UPK3A: variants seen among roughly 807,000 people sequenced by gnomAD.
UPK3A encodes uroplakin 3A, also known as uroplakin-3a.
In UPK3A, 32 loss-of-function variants were observed where a neutral mutation model predicts 27.6. The observed-to-expected ratio is 1.16, with a 90% confidence interval of 0.87 to 1.55. UPK3A has a LOEUF of 1.55. UPK3A is among the 40% of genes most tolerant of loss of function. The pLI, the probability that UPK3A is intolerant of heterozygous loss-of-function variation, is 0.00. For missense variants in UPK3A, 370 were observed against 367.9 expected (o/e 1.01, Z -0.05); for synonymous variants, 171 against 163.9 (o/e 1.04, Z -0.33).
At chr22:45,287,741 C>A (rs1225967379) in intron 3 of UPK3A, among the ~76,000 whole-genome samples, 1 of 152,158 alleles carries the variant, frequency 6.6e-6, no homozygotes, top group African/African-American at 2.4e-5. Context: ...CAGCTCACTG[C>A]AACCTCCGCC....
chr22:45,286,037 A>T lies in UPK3A; in HGVS notation c.149A>T (p.Asp50Val). Residue 50 changes from aspartate (D) to valine (V), a missense_variant, in exon 2 of 6, where the codon GAC becomes GTC. Asp to Val is a radical substitution (Grantham distance 152). Coordinates refer to ENST00000216211, the MANE Select transcript of UPK3A (RefSeq NM_006953.4). Reference protein sequence around the residue: ...VALEKPLCMFDSKEALTGTHE... With the variant: ...VALEKPLCMFVSKEALTGTHE... The stretch of plus-strand genomic sequence containing the variant: ...TTGGAAAAGCCTCTCTGCATGTTTG[A>T]CAGCAAAGAGGCCCTCACTGGCACC... The T allele has an allele frequency of 1.9e-6, 3 of 1,614,166 alleles. No homozygotes were observed. Among genetic ancestry groups the T allele is most frequent in the Non-Finnish European group, 2.5e-6 (3 of 1,180,026 alleles).
intron 4 of UPK3A, among the ~76,000 whole-genome samples, chr22:45,290,597 T>C (rs1268629529): frequency 4.6e-5 from 7 of 151,814 alleles, no homozygotes; most frequent in African/African-American, 1.7e-4. Context: ...GTGGAGAGTA[T>C]GTGAGGAGTG....
chr22:45,285,535 G>A (rs2084111458), intron 1 of UPK3A, among the ~76,000 whole-genome samples: 2 of 152,148 alleles, frequency 1.3e-5, no homozygotes, highest in African/African-American at 4.8e-5. Context: ...GGACCTCACT[G>A]CCTTTCCAGA....
At chr22:45,293,081 A>T (rs2084172119) in intron 4 of UPK3A, 100 bp from the exon 5 acceptor site, 1 of 1,553,842 alleles carries the variant, frequency 6.4e-7, no homozygotes. Flanking sequence ...TCATCCCTGG[A>T]TCCCCGGCAG....
At position 45,286,021 on chromosome 22, in the gene UPK3A, C is replaced by A; in HGVS notation, c.133C>A (p.Pro45Thr). The stretch of plus-strand genomic sequence containing the variant: ...ACTTACCACTGTGGCCTTGGAAAAG[C>A]CTCTCTGCATGTTTGACAGCAAAGA... ...PTLTTVALEK[P>T]LCMFDSKEAL... Residue 45 changes from proline to threonine, a missense_variant, in exon 2 of 6, where the codon CCT becomes ACT. Pro to Thr is a conservative substitution (Grantham distance 38). Coordinates refer to ENST00000216211, the MANE Select transcript of UPK3A (RefSeq NM_006953.4). The A allele has an allele frequency of 6.2e-7, 1 of 1,614,190 alleles. No homozygotes were observed. The highest frequency in any genetic ancestry group is 1.1e-5 in the South Asian group (1 of 91,086).
chr22:45,288,952 C>CT (rs1444773319), intron 3 of UPK3A, 109 bp from the exon 4 acceptor site: 1 of 1,003,644 alleles, frequency 1.0e-6, no homozygotes, highest in Non-Finnish European at 1.5e-6. Context: ...CCTGGAAGGG[C>CT]CCCCGCTGCC....
rs2084115354 is a variant in UPK3A, at chr22:45,285,996, A to AC, written c.109dup (p.Leu37ProfsTer14). ...TGACTTTCGCCACCAACAACCCCAC[A>AC]CTTACCACTGTGGCCTTGGAAAAGC... On this transcript the variant is annotated frameshift_variant, in exon 2 of 6. Transcript: ENST00000216211. LOFTEE classifies it high-confidence loss of function. 3 of 1,613,946 alleles carry AC rather than the reference A, an allele frequency of 1.9e-6. No homozygotes were observed. Among genetic ancestry groups the AC allele is most frequent in the African/African-American group, 2.7e-5 (2 of 74,868 alleles).
In UPK3A at chr22:45,293,259, C is replaced by T. The variant is rs747053086; in HGVS notation, c.650C>T (p.Ser217Phe). ...GMIVITSILG[S>F]LPFFLLVGFA... The stretch of plus-strand genomic sequence containing the variant: ...ATCGTCATCACTTCCATCCTGGGCT[C>T]CCTGCCCTTCTTTCTACTTGTGGGT... Residue 217 changes from serine (S) to phenylalanine (F), a missense_variant, in exon 5 of 6, where the codon TCC becomes TTC. Transcript: ENST00000216211. The T allele has an allele frequency of 3.7e-6, 6 of 1,614,156 alleles. No homozygotes were observed. The highest frequency in any genetic ancestry group is 4.2e-6 in the Non-Finnish European group (5 of 1,180,036).
At chr22:45,289,767 AG>A (rs1245973093) in intron 4 of UPK3A, among the ~76,000 whole-genome samples, 1 of 150,456 alleles carries the variant, frequency 6.6e-6, no homozygotes, top group Non-Finnish European at 1.5e-5. Flanking sequence ...AAAAAAAAAA[AG>A]TCGTTGAACC....
intron 1 of UPK3A, among the ~76,000 whole-genome samples, chr22:45,285,650 T>C (rs1398676906): frequency 9.4e-6 from 1 of 105,832 alleles, no homozygotes; most frequent in African/African-American, 2.8e-5. Context: ...GTGAGGAAGG[T>C]GGGACGGAGG....
intron 4 of UPK3A, among the ~76,000 whole-genome samples, chr22:45,290,870 A>C (rs1555905978): frequency 6.6e-6 from 1 of 152,166 alleles, no homozygotes; most frequent in Non-Finnish European, 1.5e-5. Flanking sequence ...GCCAGGGATT[A>C]GGTTGCATGC....
intron 2 of UPK3A, among the ~76,000 whole-genome samples, chr22:45,286,418 C>T (rs561784930): frequency 2.0e-5 from 3 of 152,156 alleles, no homozygotes; most frequent in Non-Finnish European, 2.9e-5. Context: ...AATAACCCCC[C>T]CTGGACCTCC....
At position 45,287,194 on chromosome 22, in the gene UPK3A, G is replaced by A. The variant is rs1306067887; in HGVS notation, c.231G>A (p.Val77=). The change falls in exon 3 of 6, where the codon GTG becomes GTA. Residue 77 remains valine, a synonymous_variant. Transcript: ENST00000216211. ...CAGCCATTTCCAGGAATGCCTCAGT[G>A]CAAGACAGCACCAACACCCCACTGG... ...VDSAISRNAS[V]QDSTNTPLGS... 1.9e-6 allele frequency: 3 copies of A among 1,614,108 alleles called. No homozygotes were observed. The African/African-American group carries it at 4.0e-5, about 22-fold the overall frequency.
intron 4 of UPK3A, among the ~76,000 whole-genome samples, chr22:45,290,117 G>C (rs973044555): frequency 6.6e-6 from 1 of 152,232 alleles, no homozygotes; most frequent in Non-Finnish European, 1.5e-5. Context: ...CGGCTTTCCT[G>C]AGGTGGAACG....
chr22:45,284,978 C>T lies in UPK3A; in HGVS notation c.-36C>T. 6.6e-7 allele frequency: 1 copy of T among 1,526,548 alleles called. No individual in the cohort carries two copies. Among genetic ancestry groups the T allele is most frequent in the Non-Finnish European group, 8.8e-7 (1 of 1,142,306 alleles). The allele number at this position is 1,526,548 out of a possible 1,614,324, so 94.6% of individuals were successfully genotyped here. On this transcript the variant is annotated 5_prime_UTR_variant, in exon 1 of 6. Transcript: ENST00000216211. ...CTGGTGCCCGCGCCTGCTCGCTGGA[C>T]CGCCCGCCCCGCGCTCTGGCGGCTC...
chr22:45,285,976 T>C lies in UPK3A; in HGVS notation c.88T>C (p.Phe30Leu), dbSNP rs1569103074. 6.2e-7 allele frequency: 1 copy of C among 1,614,084 alleles called. No individual in the cohort carries two copies. The highest frequency in any genetic ancestry group is 8.5e-7 in the Non-Finnish European group (1 of 1,179,986). Residue 30 changes from phenylalanine (F) to leucine (L), a missense_variant, in exon 2 of 6, where the codon TTC becomes CTC. Physicochemically the swap from Phe to Leu is conservative, Grantham distance 22. Transcript: ENST00000216211. ...GCAGCCCCAACTGGCCAGTGTGACT[T>C]TCGCCACCAACAACCCCACACTTAC... ...NLQPQLASVT[F>L]ATNNPTLTTV...
At chr22:45,295,347 A>G (rs2084187866) in intron 5 of UPK3A, among the ~76,000 whole-genome samples, 1 of 152,032 alleles carries the variant, frequency 6.6e-6, no homozygotes, top group African/African-American at 2.4e-5. Context: ...TAAGACCTAT[A>G]AGTTGTTCAC....
rs1359630461 is a variant in UPK3A at position 45,285,070 on chromosome 22, G to T, written c.52+5G>T. 3 of 1,535,694 alleles carry T rather than the reference G, an allele frequency of 2.0e-6. No individual in the cohort carries two copies. Among genetic ancestry groups the T allele is most frequent in the Non-Finnish European group, 1.7e-6 (2 of 1,147,736 alleles). ...GCTGCCTGCGGTTCGGCTCGGGTAG[G>T]CGGTGAAGGGCAGGAGGGGGCTGAG... is the stretch of plus-strand genomic sequence containing the variant. On this transcript the variant is annotated splice_donor_5th_base_variant and intron_variant, in intron 1 of 5. Coordinates refer to ENST00000216211, the MANE Select transcript of UPK3A (RefSeq NM_006953.4).
intron 4 of UPK3A, among the ~76,000 whole-genome samples, chr22:45,290,410 G>A (rs570185697): frequency 6.6e-5 from 10 of 152,306 alleles, no homozygotes; most frequent in East Asian, 5.8e-4. Context: ...AGTCACACGC[G>A]AGTGGGTGGT....
Sources: allele counts gnomAD v4.1 joint callset (sites outside exome capture counted in the v4.1 genomes callset), GRCh38; gene constraint gnomAD v4.1.1; transcripts MANE v1.5; gene names NCBI Gene and HGNC (gene_info 2026-07-23, HGNC 2026-07-21).